Variants in CLHC1 observed in about 807,000 individuals in gnomAD.
CLHC1 encodes the protein clathrin heavy chain linker domain containing 1.
In CLHC1, 72 loss-of-function variants were observed where a neutral mutation model predicts 69.5. The observed-to-expected ratio is 1.04, with a 90% CI of 0.86 to 1.26. The LOEUF (loss-of-function observed/expected upper bound fraction) is 1.26, where lower values mean the gene tolerates loss of function less well. Among genes scored for constraint, CLHC1 ranks in the 50% most tolerant of loss-of-function variants. The pLI is 0.00. For missense variants in CLHC1, 790 were observed against 679.3 expected, an observed-to-expected ratio of 1.16 and a Z score of -1.81; for synonymous variants, 223 against 224.3, an observed-to-expected ratio of 0.99 and a Z score of 0.05.
chr2:55,223,427 C>T (rs1361509814), intron 2 of CLHC1, among the ~76,000 whole-genome samples: 4 of 152,116 alleles, frequency 2.6e-5, no homozygotes, highest in Non-Finnish European at 4.4e-5. Flanking sequence ...CGGCGGCGGC[C>T]TGGCGGGGGC....
chr2:55,216,202 G>A (rs1022022582), intron 4 of CLHC1: 1 of 151,260 alleles, frequency 6.6e-6, no homozygotes, highest in African/African-American at 2.4e-5. Flanking sequence ...CAGGAGAATC[G>A]GTTGAATCTG....
intron 9 of CLHC1, among the ~76,000 whole-genome samples, chr2:55,187,621 AAAT>A (rs1317182127): frequency 1.3e-5 from 2 of 152,104 alleles, no homozygotes; most frequent in Non-Finnish European, 2.9e-5. Context: ...TCAAAAAAAA[AAAT>A]TATTAAAGAA....
intron 9 of CLHC1, among the ~76,000 whole-genome samples, chr2:55,200,432 G>A (rs1421159228): frequency 6.6e-6 from 1 of 151,964 alleles, no homozygotes; most frequent in African/African-American, 2.4e-5. Flanking sequence ...AAGAGACAAA[G>A]AAAGTCATTA....
Position 55,206,828 on chromosome 2 carries a change from C to A in CLHC1, c.900-452G>T, listed in dbSNP as rs150633710. ...GAAGATAGAACCTACCAAATTGGGC[C>A]GGGCATGGTGGTTCATGCCTGTAAT... On this transcript the variant is annotated intron_variant, in intron 8 of 12. Transcript: ENST00000401408. 109 of 162,104 alleles carry A rather than the reference C, an allele frequency of 6.7e-4. 1 individual carries two copies. Among genetic ancestry groups the A allele is most frequent in the Middle Eastern group, 5.7e-3 (2 of 348 alleles). 10.0% of individuals were successfully genotyped at this position (162,104 alleles called of 1,614,324 possible).
intron 9 of CLHC1, among the ~76,000 whole-genome samples, chr2:55,187,073 C>G (rs1670483709): frequency 6.6e-6 from 1 of 151,000 alleles, no homozygotes; most frequent in Non-Finnish European, 1.5e-5. Context: ...TTGAGATCAA[C>G]CTGGCTAACA....
At chr2:55,225,334 T>C (rs1316251532) in intron 2 of CLHC1, 4 of 152,288 alleles carry the variant, frequency 2.6e-5, no homozygotes, top group African/African-American at 7.2e-5. Context: ...ATAGAATTAC[T>C]TCCCATCCTT....
At chr2:55,179,423 G>C (rs1669705371) in intron 11 of CLHC1, among the ~76,000 whole-genome samples, 3 of 151,850 alleles carry the variant, frequency 2.0e-5, no homozygotes, top group Admixed American at 2.0e-4. Context: ...TAATAGTATA[G>C]GGCATGCTGT....
chr2:55,226,896 G>A (rs1394744713), intron 2 of CLHC1, among the ~76,000 whole-genome samples: 2 of 152,252 alleles, frequency 1.3e-5, no homozygotes, highest in Non-Finnish European at 2.9e-5. Context: ...GCCTCCCAAA[G>A]TGCTGGGATT....
rs1374474983 is a variant in CLHC1 at position 55,177,600 on chromosome 2, A to C, written c.1564+2T>G. 4 of 1,590,302 alleles carry C rather than the reference A, an allele frequency of 2.5e-6. No homozygotes were observed. The highest frequency in any genetic ancestry group is 3.4e-6 in the Non-Finnish European group (4 of 1,165,416). ...TCTCCCACAACATTTTATTCTACTT[A>C]CCTATCCCACCTTTATTGATTTCTT... On this transcript the variant is annotated splice_donor_variant, in intron 12 of 12. Coordinates refer to ENST00000401408, the MANE Select transcript of CLHC1 (RefSeq NM_152385.4). LOFTEE classifies it high-confidence loss of function.
intron 1 of CLHC1, 75 bp from the exon 2 acceptor site, chr2:55,228,279 T>G (rs1037002577): frequency 6.6e-6 from 1 of 152,238 alleles, no homozygotes; most frequent in Non-Finnish European, 1.5e-5. Flanking sequence ...TGCATTCAAG[T>G]GCATAATGCA....
At chr2:55,176,115 G>T in intron 12 of CLHC1, 129 bp from the exon 13 acceptor site, 2 of 732,450 alleles carry the variant, frequency 2.7e-6, no homozygotes, top group East Asian at 2.7e-5. Context: ...ATTCCCCTAA[G>T]ATTAATGATA....
At chr2:55,207,148 T>C (rs1672533401) in intron 8 of CLHC1, among the ~76,000 whole-genome samples, 1 of 150,696 alleles carries the variant, frequency 6.6e-6, no homozygotes, top group Non-Finnish European at 1.5e-5. Flanking sequence ...AAACTGGAGA[T>C]CAAGAGGTGT....
At chr2:55,205,923 A>C (rs576080546) in intron 9 of CLHC1, among the ~76,000 whole-genome samples, 3 of 152,180 alleles carry the variant, frequency 2.0e-5, no homozygotes, top group Non-Finnish European at 4.4e-5. Flanking sequence ...CAAATTGTGT[A>C]CTTTAATATG....
intron 9 of CLHC1, among the ~76,000 whole-genome samples, chr2:55,203,020 A>G (rs1288522862): frequency 3.9e-5 from 6 of 152,206 alleles, no homozygotes; most frequent in Non-Finnish European, 8.8e-5. Flanking sequence ...AAAGAAATTT[A>G]AAAAAGTAAT....
chr2:55,196,572 T>G (rs1390444899), intron 9 of CLHC1, among the ~76,000 whole-genome samples: 1 of 152,128 alleles, frequency 6.6e-6, no homozygotes, highest in African/African-American at 2.4e-5. Flanking sequence ...CGGGACAACA[T>G]TTCTAGACAC....
Position 55,209,533 on chromosome 2 carries a change from C to G in CLHC1, c.702-17G>C, listed in dbSNP as rs370743450. On this transcript the variant is annotated splice_polypyrimidine_tract_variant and intron_variant, in intron 6 of 12. Transcript: ENST00000401408. Reference sequence around the variant, plus strand: ...CTTTGATGACTAAAAAGATAAAAAACGTCAATAACACACTGAGCCTAAAAT... The same window carrying G: ...CTTTGATGACTAAAAAGATAAAAAAGGTCAATAACACACTGAGCCTAAAAT... 4 of 1,580,888 alleles carry G rather than the reference C, an allele frequency of 2.5e-6. No individual in the cohort carries two copies. The Admixed American group carries it at 6.9e-5, about 27-fold the overall frequency.
chr2:55,217,938 C>A lies in CLHC1; in HGVS notation c.238G>T (p.Ala80Ser). ...ILTSIKKEYD[A>S]FIETIKKDRR... is the part of the protein sequence containing the mutation. ...TCTTTCTTTATTGTCTCAATAAAGGCATCATATTCTTTTTTGATTGAAGTA... is the reference window on the plus strand; with the variant it reads ...TCTTTCTTTATTGTCTCAATAAAGGAATCATATTCTTTTTTGATTGAAGTA... The change falls in exon 4 of 13, where the codon GCC (alanine) becomes TCC (serine). Residue 80 changes from alanine to serine, a missense_variant. Transcript: ENST00000401408. 1 of 1,587,906 alleles carries A rather than the reference C, an allele frequency of 6.3e-7. No individual in the cohort carries two copies. Among genetic ancestry groups the A allele is most frequent in the Non-Finnish European group, 8.6e-7 (1 of 1,165,448 alleles).
At chr2:55,207,971 T>A (rs1272436198) in intron 8 of CLHC1, among the ~76,000 whole-genome samples, 1 of 152,246 alleles carries the variant, frequency 6.6e-6, no homozygotes, top group Non-Finnish European at 1.5e-5. Flanking sequence ...TAAATCTCTT[T>A]AATCTTATAT....
rs1164011555 is a variant in CLHC1 at position 55,208,635 on chromosome 2, T to C, written c.890A>G (p.Tyr297Cys). The change falls in exon 8 of 13, where the codon TAC (tyrosine) becomes TGC (cysteine). Residue 297 changes from tyrosine (Y) to cysteine (C), a missense_variant. Transcript: ENST00000401408. ...RAKEAEIMLH[Y>C]IERFNELISL... ...CTTTTAAAATATTTGCCTTTCAATGTAGTGAAGCATAATTTCAGCTTCTTT... is the reference window on the plus strand; with the variant it reads ...CTTTTAAAATATTTGCCTTTCAATGCAGTGAAGCATAATTTCAGCTTCTTT... The C allele has an allele frequency of 1.9e-6, 3 of 1,599,122 alleles. No individual in the cohort carries two copies. The highest frequency in any genetic ancestry group is 1.3e-5 in the African/African-American group (1 of 74,752).
Sources: gnomAD v4.1 joint callset for allele counts (sites outside exome capture counted in the v4.1 genomes callset) on GRCh38, gnomAD v4.1.1 for gene constraint, MANE v1.5 for transcripts, NCBI Gene and HGNC (gene_info 2026-07-23, HGNC 2026-07-21) for gene names.